The following TSHZ2 variants were observed in gnomAD, a reference collection of about 807,000 sequenced individuals.
TSHZ2 encodes the protein teashirt homolog 2.
In TSHZ2, 21 loss-of-function variants were observed where a neutral mutation model predicts 74.4. The observed-to-expected ratio is 0.28, with a 90% CI of 0.20 to 0.41. The LOEUF (loss-of-function observed/expected upper bound fraction) is 0.41, where lower values mean the gene tolerates loss of function less well. TSHZ2 is among the 10% of genes least tolerant of loss of function. TSHZ2 has a pLI of 1.00. For missense variants in TSHZ2, 1,244 were observed against 1,293.5 expected (o/e 0.96, Z 0.59); for synonymous variants, 540 against 515.3 (o/e 1.05, Z -0.65).
At chr20:53,158,734 T>C (rs1304491136) in intron 1 of TSHZ2, among the ~76,000 whole-genome samples, 1 of 151,986 alleles carries the variant, frequency 6.6e-6, no homozygotes, top group African/African-American at 2.4e-5. Flanking sequence ...GACCACCCCC[T>C]CCCCAACCAT....
chr20:53,289,874 AT>A (rs1254708284), intron 2 of TSHZ2, among the ~76,000 whole-genome samples: 1 of 152,224 alleles, frequency 6.6e-6, no homozygotes, highest in Non-Finnish European at 1.5e-5. Flanking sequence ...GCAAAAGACT[AT>A]TAATTATAGC....
At chr20:53,022,554 G>C (rs548926477) in intron 1 of TSHZ2, among the ~76,000 whole-genome samples, 1 of 151,242 alleles carries the variant, frequency 6.6e-6, no homozygotes, top group Non-Finnish European at 1.5e-5. Flanking sequence ...CCTTGTGAAC[G>C]GGAAGCATCT....
chr20:53,040,670 T>C (rs1305251846), intron 1 of TSHZ2, among the ~76,000 whole-genome samples: 3 of 151,786 alleles, frequency 2.0e-5, no homozygotes, highest in Non-Finnish European at 1.5e-5. Flanking sequence ...TTGTGGGGGC[T>C]TAGCCCTGAC....
chr20:52,989,679 GTTA>G (rs1180763149), intron 1 of TSHZ2, among the ~76,000 whole-genome samples: 1 of 151,930 alleles, frequency 6.6e-6, no homozygotes, highest in Non-Finnish European at 1.5e-5. Flanking sequence ...ACAAATTTTA[GTTA>G]TTATTTCCTT....
At chr20:53,082,352 A>G (rs999801806) in intron 1 of TSHZ2, among the ~76,000 whole-genome samples, 1 of 152,228 alleles carries the variant, frequency 6.6e-6, no homozygotes, top group Non-Finnish European at 1.5e-5. Context: ...TGGTCGAGCC[A>G]TAATAAAGAA....
intron 1 of TSHZ2, among the ~76,000 whole-genome samples, chr20:53,031,263 G>T (rs983125257): frequency 6.6e-6 from 1 of 152,196 alleles, no homozygotes; most frequent in African/African-American, 2.4e-5. Context: ...AGCCTGTCAT[G>T]TCTGGGGCCT....
At chr20:53,439,129 A>G (rs1257763275) in intron 2 of TSHZ2, among the ~76,000 whole-genome samples, 1 of 152,208 alleles carries the variant, frequency 6.6e-6, no homozygotes, top group African/African-American at 2.4e-5. Context: ...AACAAAGAGT[A>G]TGACTTTAAA....
intron 2 of TSHZ2, among the ~76,000 whole-genome samples, chr20:53,270,630 A>T (rs1990814210): frequency 6.6e-6 from 1 of 151,802 alleles, no homozygotes; most frequent in Non-Finnish European, 1.5e-5. Context: ...ATGCAGACAC[A>T]CCACTTATTT....
chr20:53,016,353 A>G (rs1983039544), intron 1 of TSHZ2, among the ~76,000 whole-genome samples: 1 of 152,190 alleles, frequency 6.6e-6, no homozygotes. Flanking sequence ...GTTTCAAAAG[A>G]ACAAGGTAGG....
intron 2 of TSHZ2, among the ~76,000 whole-genome samples, chr20:53,406,808 G>T (rs1473411071): frequency 6.6e-6 from 1 of 152,138 alleles, no homozygotes; most frequent in African/African-American, 2.4e-5. Flanking sequence ...GGGAAGGAGG[G>T]AGAGACAGGT....
At chr20:53,344,216 CA>C (rs1980345018) in intron 2 of TSHZ2, among the ~76,000 whole-genome samples, 1 of 138,090 alleles carries the variant, frequency 7.2e-6, no homozygotes, top group East Asian at 2.1e-4. Flanking sequence ...TCCTCCTCAT[CA>C]TCATCATCAT....
intron 1 of TSHZ2, among the ~76,000 whole-genome samples, chr20:53,195,620 T>G (rs142928148): frequency 2.0e-4 from 31 of 152,322 alleles, no homozygotes; most frequent in African/African-American, 7.5e-4. Flanking sequence ...GCACCTCAGT[T>G]TACCAGGACA....
At chr20:53,109,515 G>C (rs972584174) in intron 1 of TSHZ2, among the ~76,000 whole-genome samples, 1 of 152,156 alleles carries the variant, frequency 6.6e-6, no homozygotes, top group African/African-American at 2.4e-5. Flanking sequence ...GCCAACCCTA[G>C]CTGGACCTGA....
At chr20:53,143,922 G>A (rs181811063) in intron 1 of TSHZ2, among the ~76,000 whole-genome samples, 54 of 152,150 alleles carry the variant, frequency 3.5e-4, no homozygotes, top group Admixed American at 7.8e-4. Flanking sequence ...GAAAACTCAG[G>A]GATTGGAGTT....
In TSHZ2 at chr20:53,340,184, C is replaced by CT. The variant is rs557613827; in HGVS notation, c.*8+83629dup. Among the ~76,000 whole-genome samples the CT allele has an allele frequency of 8.1e-4, 89 of 109,872 alleles. 3 individuals are homozygous for CT. In the East Asian group the frequency reaches 9.7e-3, roughly 12 times the overall value. The allele number at this position is 109,872 out of a possible 152,430, so 72.1% of individuals were successfully genotyped here. On this transcript the variant is annotated intron_variant, in intron 2 of 2. Transcript: ENST00000371497. ...ACAAGGTGACTTTTCTTTCTTTTTT[C>CT]TTTTTTTTTTTTTTTTGAGATGGAG...
chr20:53,308,958 TG>T (rs1188708005), intron 2 of TSHZ2, among the ~76,000 whole-genome samples: 1 of 152,164 alleles, frequency 6.6e-6, no homozygotes, highest in Non-Finnish European at 1.5e-5. Context: ...GGAAGAGGGC[TG>T]CGGTTTTAAC....
chr20:53,359,927 G>T (rs539493890), intron 2 of TSHZ2, among the ~76,000 whole-genome samples: 2 of 152,318 alleles, frequency 1.3e-5, no homozygotes, highest in South Asian at 4.1e-4. Context: ...CAAACATCGT[G>T]GGGGAAAGTC....
intron 1 of TSHZ2, among the ~76,000 whole-genome samples, chr20:53,090,532 A>G (rs977614275): frequency 9.2e-5 from 14 of 152,210 alleles, no homozygotes; most frequent in African/African-American, 2.9e-4. Flanking sequence ...GATTTTAAGC[A>G]GCAGAATTCA....
chr20:53,276,613 C>A (rs1218366811), intron 2 of TSHZ2, among the ~76,000 whole-genome samples: 4 of 152,160 alleles, frequency 2.6e-5, no homozygotes, highest in South Asian at 2.1e-4. Context: ...AAGAAATAAT[C>A]CAGATAATGC....
Sources: gnomAD v4.1 joint callset for allele counts (sites outside exome capture counted in the v4.1 genomes callset) on GRCh38, gnomAD v4.1.1 for gene constraint, MANE v1.5 for transcripts, NCBI Gene and HGNC (gene_info 2026-07-23, HGNC 2026-07-21) for gene names.